NPNT: variants seen among roughly 807,000 people sequenced by gnomAD.
The protein encoded by NPNT is preosteoblast EGF-like repeat protein with MAM domain.
NPNT carries 45 observed loss-of-function variants against 68.6 expected under a neutral mutation model. The ratio of observed to expected loss-of-function variants is 0.66; its 90% CI spans 0.52 to 0.84. The LOEUF (loss-of-function observed/expected upper bound fraction) is 0.84, where lower values mean the gene tolerates loss of function less well. Among genes scored for constraint, NPNT ranks in the 40% least tolerant of loss-of-function variants. The pLI is 0.00. For missense variants in NPNT, 672 were observed against 714.8 expected (o/e 0.94, Z 0.68); for synonymous variants, 233 against 253.3 (o/e 0.92, Z 0.76).
At chr4:105,948,186 TA>T (rs1187664208) in intron 8 of NPNT, among the ~76,000 whole-genome samples, 11 of 152,202 alleles carry the variant, frequency 7.2e-5, no homozygotes, top group Non-Finnish European at 1.3e-4. Context: ...CTAAGTCTAA[TA>T]TACTTCTAAA....
intron 2 of NPNT, among the ~76,000 whole-genome samples, chr4:105,921,677 TA>T (rs1476142392): frequency 6.6e-6 from 1 of 152,180 alleles, no homozygotes; most frequent in Non-Finnish European, 1.5e-5. Flanking sequence ...CTGCTCATGA[TA>T]TGCAATGGCT....
chr4:105,924,367 T>C (rs1263061164), intron 2 of NPNT, among the ~76,000 whole-genome samples: 1 of 152,218 alleles, frequency 6.6e-6, no homozygotes, highest in Non-Finnish European at 1.5e-5. Flanking sequence ...TTGTGCTATA[T>C]AGGAGAATAT....
intron 2 of NPNT, among the ~76,000 whole-genome samples, chr4:105,923,229 G>A (rs1369065430): frequency 6.6e-6 from 1 of 152,122 alleles, no homozygotes; most frequent in Non-Finnish European, 1.5e-5. Context: ...AGGTGAGCCA[G>A]TTTATACAGA....
intron 8 of NPNT, among the ~76,000 whole-genome samples, chr4:105,956,581 A>C (rs1387326188): frequency 1.4e-4 from 21 of 152,208 alleles, no homozygotes. Context: ...TATAAGTTAC[A>C]ACAAAAGAAG....
intron 1 of NPNT, among the ~76,000 whole-genome samples, chr4:105,897,605 G>C (rs1446037875): frequency 6.6e-6 from 1 of 152,184 alleles, no homozygotes; most frequent in Non-Finnish European, 1.5e-5. Context: ...TGGCAGCCTT[G>C]AGAATTGTTG....
chr4:105,932,702 G>T, intron 3 of NPNT: 1 of 1,534,404 alleles, frequency 6.5e-7, no homozygotes, highest in African/African-American at 1.4e-5. Flanking sequence ...TGCCTTCAAG[G>T]GGTGAGCGTG....
At chr4:105,906,630 A>G (rs1560889946) in intron 2 of NPNT, among the ~76,000 whole-genome samples, 2 of 152,200 alleles carry the variant, frequency 1.3e-5, no homozygotes, top group South Asian at 2.1e-4. Context: ...AGTTTGCTGT[A>G]TTATTTAACA....
chr4:105,962,232 A>C (rs1731773085), intron 10 of NPNT, among the ~76,000 whole-genome samples: 1 of 152,242 alleles, frequency 6.6e-6, no homozygotes. Flanking sequence ...TAATATGAGA[A>C]GAATAGAGTT....
chr4:105,944,292 C>A (rs1024714862), intron 8 of NPNT, among the ~76,000 whole-genome samples: 20 of 152,112 alleles, frequency 1.3e-4, no homozygotes, highest in Non-Finnish European at 5.9e-5. Flanking sequence ...TTTTTAAATT[C>A]TCATCATTGT....
At chr4:105,912,175 A>T in intron 2 of NPNT, 1 of 1,530,532 alleles carries the variant, frequency 6.5e-7, no homozygotes, top group South Asian at 1.2e-5. Flanking sequence ...TTTTTTGGAC[A>T]TTTGTTTTGC....
intron 1 of NPNT, 102 bp from the exon 2 acceptor site, chr4:105,897,799 T>G: frequency 3.5e-6 from 3 of 855,736 alleles, no homozygotes; most frequent in Non-Finnish European, 5.7e-6. Context: ...TTGTAGAAAA[T>G]TGTTGGGTGT....
chr4:105,970,749 A>T lies in NPNT; in HGVS notation c.*1759A>T. ...TGTTCTTACCCAAGGAAAAGTAACA[A>T]ATTATAGAATTTCCCAAAAGATGTT... On this transcript the variant is annotated 3_prime_UTR_variant, in exon 12 of 12. Transcript: ENST00000379987. 2.7e-6 allele frequency: 1 copy of T among 376,992 alleles called. No homozygotes were observed. The highest frequency in any genetic ancestry group is 5.1e-6 in the Non-Finnish European group (1 of 197,350). 23.4% of individuals were successfully genotyped at this position (376,992 alleles called of 1,614,324 possible).
intron 2 of NPNT, among the ~76,000 whole-genome samples, chr4:105,904,572 G>C (rs1726719321): frequency 1.3e-5 from 2 of 152,180 alleles, no homozygotes; most frequent in African/African-American, 4.8e-5. Context: ...GTGTCCATTT[G>C]CCAGGGTCTC....
intron 10 of NPNT, among the ~76,000 whole-genome samples, chr4:105,961,147 G>A (rs1199724314): frequency 2.0e-5 from 3 of 152,148 alleles, no homozygotes; most frequent in African/African-American, 7.2e-5. Context: ...GAGAGTGGTG[G>A]AATTAAGTCC....
At chr4:105,906,006 G>A (rs1447867879) in intron 2 of NPNT, among the ~76,000 whole-genome samples, 2 of 152,008 alleles carry the variant, frequency 1.3e-5, no homozygotes, top group Non-Finnish European at 2.9e-5. Flanking sequence ...TCTTGTTTGG[G>A]AAAGTATATA....
chr4:105,968,773 T>C, intron 11 of NPNT, 122 bp from the exon 12 acceptor site: 2 of 605,422 alleles, frequency 3.3e-6, no homozygotes, highest in Non-Finnish European at 3.0e-6. Flanking sequence ...ATTCTGTTTT[T>C]TTCCTCCTGC....
intron 3 of NPNT, among the ~76,000 whole-genome samples, chr4:105,936,278 T>G (rs1413767784): frequency 6.6e-6 from 1 of 152,242 alleles, no homozygotes; most frequent in Non-Finnish European, 1.5e-5. Flanking sequence ...GTAGGTTTTT[T>G]AAAGTTCATT....
intron 10 of NPNT, among the ~76,000 whole-genome samples, chr4:105,962,041 C>T (rs1731760405): frequency 6.6e-6 from 1 of 152,030 alleles, no homozygotes; most frequent in Non-Finnish European, 1.5e-5. Flanking sequence ...AGGGGGAAGA[C>T]CTGACATATC....
At chr4:105,925,903 G>A (rs2149352634) in intron 2 of NPNT, among the ~76,000 whole-genome samples, 1 of 152,238 alleles carries the variant, frequency 6.6e-6, no homozygotes, top group African/African-American at 2.4e-5. Context: ...GATGATAAAT[G>A]TATGGAAACT....
Sources: gnomAD v4.1 joint callset for allele counts (sites outside exome capture counted in the v4.1 genomes callset) on GRCh38, gnomAD v4.1.1 for gene constraint, MANE v1.5 for transcripts, NCBI Gene and HGNC (gene_info 2026-07-23, HGNC 2026-07-21) for gene names.